The following KAZN variants were observed in gnomAD, a reference collection of about 807,000 sequenced individuals.
The protein encoded by KAZN is kazrin.
A neutral mutation model predicts 87.4 loss-of-function variants in KAZN; 40 were observed. That is an observed-to-expected ratio of 0.46 (90% confidence interval 0.36 to 0.60). KAZN has a LOEUF of 0.60. Ranked by LOEUF, KAZN falls within the 20% of genes least tolerant of loss-of-function variation. The probability of loss-of-function intolerance (pLI) is 0.00; values close to 1 mark genes in which losing one functional copy is unlikely to be tolerated. For synonymous variants in KAZN, 466 were observed against 458.3 expected (o/e 1.02, Z -0.22); for missense variants, 898 against 1,073.9 (o/e 0.84, Z 2.29).
chr1:14,567,555 C>T lies in KAZN; in HGVS notation c.250-31428C>T, dbSNP rs148115735. Reference sequence around the variant, plus strand: ...AAAAATATGTAATACCTGCAAGGTACAATAAAGCAAAATGCAATAAAGTGA... The same window carrying T: ...AAAAATATGTAATACCTGCAAGGTATAATAAAGCAAAATGCAATAAAGTGA... On this transcript the variant is annotated intron_variant, in intron 2 of 16. Transcript: ENST00000636203. 1.6e-3 allele frequency among the ~76,000 whole-genome samples: 244 copies of T among 152,262 alleles called. 5 individuals carry two copies. The East Asian group carries it at 0.032, about 20-fold the overall frequency.
rs140463326 is a variant in KAZN at position 14,616,065 on chromosome 1, T to C, written c.226+16842T>C. On this transcript the variant is annotated intron_variant, in intron 1 of 14. Coordinates refer to ENST00000376030, the MANE Select transcript of KAZN (RefSeq NM_201628.3). ...AGGTGGCACCAGAGGGAAGTGCCCA[T>C]GTGGGTTATGGAATGACGCAATGCC... Among the ~76,000 whole-genome samples the C allele has an allele frequency of 5.8e-3, 885 of 152,172 alleles. 7 individuals carry two copies. Among genetic ancestry groups the C allele is most frequent in the African/African-American group, 0.02 (819 of 41,514 alleles).
intron 2 of KAZN, among the ~76,000 whole-genome samples, chr1:14,521,638 A>G (rs1055899709): frequency 6.6e-6 from 1 of 152,228 alleles, no homozygotes; most frequent in African/African-American, 2.4e-5. Flanking sequence ...ACTGGCTTTG[A>G]ACTGAGACCT....
In KAZN at chr1:14,766,630, G is replaced by A. The variant is rs574525558; in HGVS notation, c.226+167407G>A. 1.1e-3 allele frequency among the ~76,000 whole-genome samples: 160 copies of A among 147,198 alleles called. 1 individual carries two copies. Among genetic ancestry groups the A allele is most frequent in the African/African-American group, 3.8e-3 (151 of 39,510 alleles). On this transcript the variant is annotated intron_variant, in intron 1 of 14. Transcript: ENST00000376030. ...ACTGAGCATCTAGTATGCACTGGGC[G>A]GTGTGTGGGAAGACAAAGATGCTGA...
chr1:14,095,659 A>G (rs1238662860), intron 1 of KAZN, among the ~76,000 whole-genome samples: 1 of 152,142 alleles, frequency 6.6e-6, no homozygotes, highest in Non-Finnish European at 1.5e-5. Flanking sequence ...GGCTAGATTC[A>G]GGTGGGAGTG....
chr1:14,542,108 C>G (rs1672847203), intron 2 of KAZN, among the ~76,000 whole-genome samples: 2 of 152,304 alleles, frequency 1.3e-5, no homozygotes, highest in African/African-American at 4.8e-5. Context: ...TCTCAACCCA[C>G]AGGCTCATTT....
chr1:14,546,967 A>C (rs1369108210), intron 2 of KAZN, among the ~76,000 whole-genome samples: 1 of 152,202 alleles, frequency 6.6e-6, no homozygotes, highest in Non-Finnish European at 1.5e-5. Flanking sequence ...TGGGAAAACA[A>C]GGCTGAGAGA....
intron 1 of KAZN, among the ~76,000 whole-genome samples, chr1:14,622,925 A>AT (rs5772593): frequency 0.11 from 16,380 of 148,312 alleles, 1,050 homozygotes; most frequent in Non-Finnish European, 0.15. Context: ...AGTGTTCTTA[A>AT]TTTTTTTTTT....
At chr1:14,767,773 C>T (rs1221807751) in intron 1 of KAZN, among the ~76,000 whole-genome samples, 1 of 152,188 alleles carries the variant, frequency 6.6e-6, no homozygotes, top group Admixed American at 6.5e-5. Context: ...GACTGGATGA[C>T]AGGAGCAGGC....
chr1:14,090,306 C>T (rs1275304441), intron 1 of KAZN, among the ~76,000 whole-genome samples: 6 of 151,966 alleles, frequency 3.9e-5, no homozygotes, highest in African/African-American at 1.4e-4. Context: ...CCATTTTTTT[C>T]AGTCTCTTTT....
At chr1:14,073,722 A>C (rs924102545) in intron 1 of KAZN, among the ~76,000 whole-genome samples, 15 of 152,192 alleles carry the variant, frequency 9.9e-5, no homozygotes, top group African/African-American at 3.6e-4. Flanking sequence ...CCTGCAAAGG[A>C]CATGAACTCA....
At chr1:14,371,181 G>A (rs939547641) in intron 2 of KAZN, among the ~76,000 whole-genome samples, 2 of 152,164 alleles carry the variant, frequency 1.3e-5, no homozygotes, top group Non-Finnish European at 2.9e-5. Context: ...GTTGGTCTGC[G>A]GTAGGGCCAA....
rs190166470 is a variant in KAZN at position 14,869,212 on chromosome 1, C to T, written c.227-91472C>T. The stretch of plus-strand genomic sequence containing the variant: ...CCTGTCTTGACCCTTCCAGTTTGCT[C>T]CTTTAAATCTCCACTTCCCTTTTGC... On this transcript the variant is annotated intron_variant, in intron 1 of 14. Transcript: ENST00000376030. Among the ~76,000 whole-genome samples the T allele has an allele frequency of 3.0e-3, 455 of 152,290 alleles. 5 individuals are homozygous for T. Among genetic ancestry groups the T allele is most frequent in the African/African-American group, 0.011 (437 of 41,558 alleles).
intron 1 of KAZN, among the ~76,000 whole-genome samples, chr1:14,803,292 C>T (rs1646099718): frequency 6.6e-6 from 1 of 152,214 alleles, no homozygotes; most frequent in African/African-American, 2.4e-5. Context: ...GAGGGGGATT[C>T]AGCCCCGGAT....
At chr1:14,392,924 G>A (rs181520098) in intron 2 of KAZN, among the ~76,000 whole-genome samples, 69 of 152,262 alleles carry the variant, frequency 4.5e-4, no homozygotes, top group Admixed American at 7.2e-4. Flanking sequence ...TTCTGGTCAG[G>A]AGGGGAGGGT....
intron 2 of KAZN, among the ~76,000 whole-genome samples, chr1:14,199,131 T>C (rs1206304293): frequency 6.6e-6 from 1 of 152,194 alleles, no homozygotes; most frequent in Admixed American, 6.5e-5. Flanking sequence ...CTTACTGACA[T>C]TGCAAGTCCC....
At chr1:14,208,862 A>G (rs1400965842) in intron 2 of KAZN, among the ~76,000 whole-genome samples, 2 of 152,194 alleles carry the variant, frequency 1.3e-5, no homozygotes, top group East Asian at 1.9e-4. Flanking sequence ...TGCTTCTTCA[A>G]TCATTTGCTA....
At chr1:14,420,374 GTAAA>G (rs1414190783) in intron 2 of KAZN, among the ~76,000 whole-genome samples, 2 of 152,204 alleles carry the variant, frequency 1.3e-5, no homozygotes, top group Non-Finnish European at 2.9e-5. Context: ...TGAGCTAGGC[GTAAA>G]TAAATTCTCC....
chr1:14,537,440 T>A (rs1468278068), intron 2 of KAZN, among the ~76,000 whole-genome samples: 1 of 152,276 alleles, frequency 6.6e-6, no homozygotes, highest in Non-Finnish European at 1.5e-5. Flanking sequence ...TAAATTTAAA[T>A]GCATTGCCAT....
Position 14,167,472 on chromosome 1 carries a change from C to T in KAZN, c.92-12963C>T, listed in dbSNP as rs149795848. On this transcript the variant is annotated intron_variant, in intron 1 of 16. Transcript: ENST00000636203. ...GCATGGTGGCTCATGTCTGTAATCC[C>T]AGTACTCTGGGAGGACGAGGCACGT... Among the ~76,000 whole-genome samples the T allele has an allele frequency of 2.7e-4, 41 of 152,230 alleles. No homozygotes were observed. The South Asian group carries it at 6.0e-3, about 22-fold the overall frequency.
Sources: allele counts gnomAD v4.1 joint callset (sites outside exome capture counted in the v4.1 genomes callset), GRCh38; gene constraint gnomAD v4.1.1; transcripts MANE v1.5; gene names NCBI Gene and HGNC (gene_info 2026-07-23, HGNC 2026-07-21).